Variants in NPR3 observed in about 807,000 individuals in gnomAD.
NPR3 encodes the protein natriuretic peptide receptor 3.
In NPR3, 34 loss-of-function variants were observed where a neutral mutation model predicts 54.5. The ratio of observed to expected loss-of-function variants is 0.62; its 90% CI spans 0.47 to 0.83. The LOEUF (loss-of-function observed/expected upper bound fraction) is 0.83, where lower values mean the gene tolerates loss of function less well. Ranked by LOEUF, NPR3 falls within the 40% of genes least tolerant of loss-of-function variation. NPR3 has a pLI of 0.00. For missense variants in NPR3, 674 were observed against 720.8 expected (o/e 0.94, Z 0.74); for synonymous variants, 289 against 297.1 (o/e 0.97, Z 0.28).
chr5:32,699,592 C>T (rs1251333267), intron 1 of NPR3, among the ~76,000 whole-genome samples: 3 of 152,164 alleles, frequency 2.0e-5, no homozygotes, highest in Admixed American at 2.0e-4. Context: ...TTAACTTCAT[C>T]CTCCTGCTTT....
intron 1 of NPR3, among the ~76,000 whole-genome samples, chr5:32,719,738 G>A (rs939042015): frequency 1.3e-5 from 2 of 148,684 alleles, no homozygotes; most frequent in African/African-American, 4.9e-5. Context: ...AGACCTCTTG[G>A]ATTGATCTTC....
At chr5:32,708,962 T>C (rs1738073806), upstream of NPR3, among the ~76,000 whole-genome samples, 1 of 151,726 alleles carries the variant, frequency 6.6e-6, no homozygotes, top group Non-Finnish European at 1.5e-5. Context: ...GTCTCTTCCC[T>C]TCCGCAGCTT....
In NPR3 at chr5:32,780,803, C is replaced by A; in HGVS notation, c.1277C>A (p.Ala426Glu). 2 of 1,566,052 alleles carry A rather than the reference C, an allele frequency of 1.3e-6. No individual in the cohort carries two copies. Among genetic ancestry groups the A allele is most frequent in the Non-Finnish European group, 1.8e-6 (2 of 1,136,388 alleles). The change falls in exon 5 of 8, where the codon GCG (alanine) becomes GAG (glutamate). Residue 426 changes from alanine to glutamate, a missense_variant. Ala to Glu is a moderately radical substitution (Grantham distance 107). Coordinates refer to ENST00000265074, the MANE Select transcript of NPR3 (RefSeq NM_001204375.2). ...GTGATTGCCATGACTGATGTGGAGG[C>A]GGGCACCCAGGAGGTGAGCACGTGA... is the stretch of plus-strand genomic sequence containing the variant. ...FSVIAMTDVE[A>E]GTQEVIGDYF...
chr5:32,710,927 TGC>T, upstream of NPR3: 6 of 770,536 alleles, frequency 7.8e-6, no homozygotes, highest in Non-Finnish European at 1.1e-5. Context: ...TATGTGTGCG[TGC>T]GCGCGCGCAT....
At chr5:32,733,633 C>G (rs1396248205) in intron 2 of NPR3, among the ~76,000 whole-genome samples, 1 of 152,088 alleles carries the variant, frequency 6.6e-6, no homozygotes, top group Non-Finnish European at 1.5e-5. Context: ...GGAAAAATAA[C>G]AGAAAAACCA....
At chr5:32,760,240 A>C (rs1741089516) in intron 3 of NPR3, among the ~76,000 whole-genome samples, 1 of 152,108 alleles carries the variant, frequency 6.6e-6, no homozygotes, top group Admixed American at 6.6e-5. Flanking sequence ...CAGGAATGGA[A>C]TTGCTGAGTC....
chr5:32,755,609 G>A (rs1370944351), intron 3 of NPR3, among the ~76,000 whole-genome samples: 1 of 152,208 alleles, frequency 6.6e-6, no homozygotes, highest in Non-Finnish European at 1.5e-5. Context: ...GGGAATCCAA[G>A]CTTAGAACTA....
chr5:32,762,409 G>A (rs1320313443), intron 3 of NPR3, among the ~76,000 whole-genome samples: 9 of 150,348 alleles, frequency 6.0e-5, no homozygotes, highest in African/African-American at 1.7e-4. Context: ...CACTCCCACC[G>A]ACAGTGTAAA....
chr5:32,711,640 G>C lies in NPR3; in HGVS notation c.-137G>C. On this transcript the variant is annotated 5_prime_UTR_variant, in exon 1 of 8. Coordinates refer to ENST00000265074, the MANE Select transcript of NPR3 (RefSeq NM_001204375.2). Reference sequence around the variant, plus strand: ...CTCTATCTTTTGGCGCATTAGTGAAGGGGGTATTCTATTTTGTTAAAGCGC... The same window carrying C: ...CTCTATCTTTTGGCGCATTAGTGAACGGGGTATTCTATTTTGTTAAAGCGC... The C allele has an allele frequency of 7.9e-7, 1 of 1,273,542 alleles. No homozygotes were observed. The highest frequency in any genetic ancestry group is 3.5e-5 in the South Asian group (1 of 28,972). The allele number at this position is 1,273,542 out of a possible 1,614,324, so 78.9% of individuals were successfully genotyped here. A position where few individuals can be genotyped will look rare whatever the true frequency, so the allele number is the denominator to read the frequency against.
chr5:32,713,278 A>T, intron 1 of NPR3: 5 of 985,464 alleles, frequency 5.1e-6, no homozygotes, highest in Non-Finnish European at 6.0e-6. Context: ...ACGAGCGCTG[A>T]ACCTTCTTTC....
At chr5:32,772,787 T>TA in intron 3 of NPR3, among the ~76,000 whole-genome samples, 1 of 152,280 alleles carries the variant, frequency 6.6e-6, no homozygotes, top group African/African-American at 2.4e-5. Context: ...ATTAATTTTT[T>TA]AAACCTAACG....
chr5:32,781,754 G>A (rs1348089858), intron 5 of NPR3, among the ~76,000 whole-genome samples: 2 of 152,200 alleles, frequency 1.3e-5, no homozygotes, highest in African/African-American at 2.4e-5. Flanking sequence ...TTCCCCCTGG[G>A]AAAGGTGGGT....
At chr5:32,729,198 T>G (rs553525074) in intron 2 of NPR3, among the ~76,000 whole-genome samples, 18 of 151,528 alleles carry the variant, frequency 1.2e-4, no homozygotes, top group African/African-American at 3.9e-4. Flanking sequence ...CCCGGCTAAT[T>G]TTTTGTATTT....
chr5:32,734,915 G>A (rs1421727428), intron 2 of NPR3, among the ~76,000 whole-genome samples: 1 of 152,158 alleles, frequency 6.6e-6, no homozygotes, highest in Admixed American at 6.5e-5. Flanking sequence ...CTTAGCTTTG[G>A]TGACACAGCA....
At chr5:32,717,821 T>C (rs1738638551) in intron 1 of NPR3, among the ~76,000 whole-genome samples, 1 of 151,940 alleles carries the variant, frequency 6.6e-6, no homozygotes, top group Non-Finnish European at 1.5e-5. Context: ...TTCACTCTGA[T>C]GGTAGTTTCT....
intron 3 of NPR3, among the ~76,000 whole-genome samples, chr5:32,744,500 G>A (rs1190923735): frequency 6.6e-6 from 1 of 152,158 alleles, no homozygotes; most frequent in African/African-American, 2.4e-5. Flanking sequence ...CTCAAGAATT[G>A]TATAAAAATA....
chr5:32,695,063 A>C (rs962849395), intron 1 of NPR3, among the ~76,000 whole-genome samples: 1 of 152,154 alleles, frequency 6.6e-6, no homozygotes, highest in Non-Finnish European at 1.5e-5. Flanking sequence ...CTGAATAGTA[A>C]TCCACTGTGC....
Position 32,782,899 on chromosome 5 carries a change from G to A in NPR3, c.1297G>A (p.Gly433Ser), listed in dbSNP as rs1742411218. 1 of 1,610,942 alleles carries A rather than the reference G, an allele frequency of 6.2e-7. No homozygotes were observed. The highest frequency in any genetic ancestry group is 8.5e-7 in the Non-Finnish European group (1 of 1,178,432). The stretch of plus-strand genomic sequence containing the variant: ...GTTTTTTGCCTCTATATAGGTTATT[G>A]GTGATTATTTTGGAAAAGAAGGTCG... ...DVEAGTQEVI[G>S]DYFGKEGRFE... Residue 433 changes from glycine to serine, a missense_variant, in exon 6 of 8, where the codon GGT becomes AGT. Coordinates refer to ENST00000265074, the MANE Select transcript of NPR3 (RefSeq NM_001204375.2).
intron 3 of NPR3, among the ~76,000 whole-genome samples, chr5:32,755,777 C>G (rs1037287803): frequency 6.6e-6 from 1 of 152,168 alleles, no homozygotes; most frequent in Admixed American, 6.5e-5. Flanking sequence ...CCTACATTGC[C>G]GCATCCTTCT....
Sources: gnomAD v4.1 joint callset for allele counts (sites outside exome capture counted in the v4.1 genomes callset) on GRCh38, gnomAD v4.1.1 for gene constraint, MANE v1.5 for transcripts, NCBI Gene and HGNC (gene_info 2026-07-23, HGNC 2026-07-21) for gene names.